The following ITPR1 variants were observed in gnomAD, a reference collection of about 807,000 sequenced individuals.
ITPR1 encodes the protein inositol 1,4,5-trisphosphate receptor type 1.
In ITPR1, 96 loss-of-function variants were observed where a neutral mutation model predicts 318.4. The ratio of observed to expected loss-of-function variants is 0.30; its 90% CI spans 0.26 to 0.36. The LOEUF (loss-of-function observed/expected upper bound fraction) is 0.36, where lower values mean the gene tolerates loss of function less well. Among genes scored for constraint, ITPR1 ranks in the 10% least tolerant of loss-of-function variants. The probability of loss-of-function intolerance (pLI) is 1.00; values close to 1 mark genes in which losing one functional copy is unlikely to be tolerated. For synonymous variants in ITPR1, 1,312 were observed against 1,289.9 expected, an observed-to-expected ratio of 1.02 and a Z score of -0.37; for missense variants, 2,440 against 3,460.2, an observed-to-expected ratio of 0.71 and a Z score of 7.40.
chr3:4,658,027 G>C (rs762185923), intron 12 of ITPR1, 97 bp from the exon 13 acceptor site: 1 of 1,222,620 alleles, frequency 8.2e-7, no homozygotes, highest in Non-Finnish European at 1.1e-6. Flanking sequence ...TGACATTCAC[G>C]ATCCTTTCTT....
intron 44 of ITPR1, among the ~76,000 whole-genome samples, chr3:4,761,170 G>A (rs533341939): frequency 5.9e-5 from 9 of 152,104 alleles, no homozygotes; most frequent in Admixed American, 2.0e-4. Context: ...GGAGGTAAAT[G>A]TGCAGGTTTG....
rs2093975008 is a variant in ITPR1, at chr3:4,667,424, T to C, written c.1761T>C (p.Tyr587=). 3.1e-6 allele frequency: 5 copies of C among 1,613,266 alleles called. No individual in the cohort carries two copies. The highest frequency in any genetic ancestry group is 8.5e-7 in the Non-Finnish European group (1 of 1,179,596). ...GCTTCATGCAGAAGCAGATTGGCTA[T>C]GATGTGTTGGCTGAAGACACTATCA... The part of the protein sequence containing the change: ...QFGFMQKQIG[Y]DVLAEDTITA... The change falls in exon 18 of 62, where the codon TAT becomes TAC. Residue 587 remains tyrosine, a synonymous_variant. Transcript: ENST00000649015.
intron 44 of ITPR1, among the ~76,000 whole-genome samples, chr3:4,738,939 C>G (rs549452619): frequency 1.3e-5 from 2 of 152,318 alleles, no homozygotes; most frequent in East Asian, 3.9e-4. Flanking sequence ...TTTCTCCTCC[C>G]CGCTTCTGTG....
At chr3:4,531,104 A>C (rs2083379102) in intron 4 of ITPR1, among the ~76,000 whole-genome samples, 1 of 152,104 alleles carries the variant, frequency 6.6e-6, no homozygotes, top group African/African-American at 2.4e-5. Flanking sequence ...CCCTGAACCC[A>C]CAGAGGGTTA....
intron 42 of ITPR1, among the ~76,000 whole-genome samples, chr3:4,728,968 C>T (rs1303311755): frequency 1.3e-5 from 2 of 152,238 alleles, no homozygotes; most frequent in African/African-American, 4.8e-5. Flanking sequence ...TCTTCTCCAG[C>T]TTCCTGTATC....
intron 4 of ITPR1, among the ~76,000 whole-genome samples, chr3:4,543,275 AG>A (rs1383766481): frequency 4.0e-5 from 6 of 150,886 alleles, no homozygotes; most frequent in African/African-American, 1.5e-4. Flanking sequence ...AAAAAAAAAG[AG>A]AAAAAAAAGA....
rs200444849 is a variant in ITPR1, at chr3:4,802,662, T to TA, written c.7107+2071dup. On this transcript the variant is annotated intron_variant, in intron 54 of 61. Coordinates refer to ENST00000649015, the MANE Select transcript of ITPR1 (RefSeq NM_001378452.1). ...GTATGCATGTGAAACCCCTCTCTAC[T>TA]AAAAAAAAATACAAAAATTAGCCTG... Among the ~76,000 whole-genome samples, 134 of 150,344 alleles carry TA rather than the reference T, an allele frequency of 8.9e-4. 1 individual carries two copies. In the East Asian group the frequency reaches 9.4e-3, roughly 10 times the overall value.
chr3:4,537,856 A>T (rs942113208), intron 4 of ITPR1, among the ~76,000 whole-genome samples: 3 of 152,226 alleles, frequency 2.0e-5, no homozygotes, highest in Non-Finnish European at 4.4e-5. Flanking sequence ...TATTTGTTAT[A>T]GCATTGGTAA....
At chr3:4,699,642 CT>C (rs1444167396) in intron 34 of ITPR1, among the ~76,000 whole-genome samples, 170 bp from the exon 35 acceptor site, 1 of 152,148 alleles carries the variant, frequency 6.6e-6, no homozygotes, top group East Asian at 1.9e-4. Flanking sequence ...ATCTGCTTCT[CT>C]TTTTTTCATG....
chr3:4,541,699 C>A (rs959976666), intron 4 of ITPR1, among the ~76,000 whole-genome samples: 7 of 151,852 alleles, frequency 4.6e-5, no homozygotes, highest in African/African-American at 1.2e-4. Flanking sequence ...GATCTCGGCT[C>A]ACTGCAACCT....
intron 52 of ITPR1, among the ~76,000 whole-genome samples, chr3:4,794,431 C>T (rs1325781296): frequency 2.6e-5 from 4 of 152,164 alleles, no homozygotes; most frequent in Non-Finnish European, 4.4e-5. Context: ...GCAACTTGTA[C>T]CCCTCGCTTC....
At chr3:4,666,667 A>T (rs974894334) in intron 17 of ITPR1, among the ~76,000 whole-genome samples, 1 of 152,182 alleles carries the variant, frequency 6.6e-6, no homozygotes, top group Non-Finnish European at 1.5e-5. Flanking sequence ...ATGGGAAAAA[A>T]ATTAAAGCAA....
At chr3:4,763,149 A>G (rs1282699341) in intron 44 of ITPR1, among the ~76,000 whole-genome samples, 3 of 152,190 alleles carry the variant, frequency 2.0e-5, no homozygotes, top group Admixed American at 6.5e-5. Context: ...TGAGCTGAAC[A>G]ATGAGAACAC....
chr3:4,830,603 C>G (rs755707710), intron 60 of ITPR1, among the ~76,000 whole-genome samples: 21 of 152,170 alleles, frequency 1.4e-4, no homozygotes, highest in Non-Finnish European at 2.5e-4. Context: ...GGCCAAATCT[C>G]TGTTTCCAGG....
At chr3:4,769,511 C>G (rs753766748) in intron 46 of ITPR1, among the ~76,000 whole-genome samples, 1 of 152,188 alleles carries the variant, frequency 6.6e-6, no homozygotes, top group Non-Finnish European at 1.5e-5. Context: ...AAATGGCTGC[C>G]TTTCAGTGAT....
In ITPR1 at chr3:4,813,215, C is replaced by T. The variant is rs757914319; in HGVS notation, c.7542C>T (p.Ser2514=). Reference sequence around the variant, plus strand: ...GGGTGGAGAGTGGGGAGAACTGCTCCTCTCCTGCACCCAGAGAAGGTAGGA... The same window carrying T: ...GGGTGGAGAGTGGGGAGAACTGCTCTTCTCCTGCACCCAGAGAAGGTAGGA... ...VCRVESGENC[S]SPAPREELVP... is the part of the protein sequence containing the mutation. Residue 2514 remains serine, a synonymous_variant, in exon 57 of 62, where the codon TCC becomes TCT. Transcript: ENST00000649015. 3 of 1,611,698 alleles carry T rather than the reference C, an allele frequency of 1.9e-6. No homozygotes were observed. In the South Asian group the frequency reaches 3.3e-5, roughly 18 times the overall value.
chr3:4,498,634 A>G (rs2080785687), intron 2 of ITPR1, among the ~76,000 whole-genome samples: 1 of 152,184 alleles, frequency 6.6e-6, no homozygotes, highest in African/African-American at 2.4e-5. Flanking sequence ...ACCAGATGGG[A>G]ACTCGATAGG....
At chr3:4,697,836 C>G (rs1458350228) in intron 34 of ITPR1, among the ~76,000 whole-genome samples, 1 of 152,094 alleles carries the variant, frequency 6.6e-6, no homozygotes, top group African/African-American at 2.4e-5. Context: ...GTTTTCATGT[C>G]ACCCCTGTGG....
chr3:4,642,392 A>C (rs1469545246), intron 7 of ITPR1, 141 bp downstream of exon 7: 4 of 532,082 alleles, frequency 7.5e-6, no homozygotes, highest in Non-Finnish European at 8.8e-6. Flanking sequence ...TATGGAAACT[A>C]GTGTTTGGGA....
Sources: allele counts gnomAD v4.1 joint callset (sites outside exome capture counted in the v4.1 genomes callset), GRCh38; gene constraint gnomAD v4.1.1; transcripts MANE v1.5; gene names NCBI Gene and HGNC (gene_info 2026-07-23, HGNC 2026-07-21).